The following XPO1 variants were observed in gnomAD, a reference collection of about 807,000 sequenced individuals.
XPO1 encodes exportin 1, also known as exportin-1.
XPO1 carries 5 observed loss-of-function variants against 133.3 expected under a neutral mutation model. The observed-to-expected ratio is 0.04, with a 90% CI of 0.02 to 0.08. The LOEUF (loss-of-function observed/expected upper bound fraction) is 0.08, where lower values mean the gene tolerates loss of function less well. Among genes scored for constraint, XPO1 ranks in the 10% least tolerant of loss-of-function variants. XPO1 has a pLI of 1.00. For synonymous variants in XPO1, 419 were observed against 408.2 expected, an observed-to-expected ratio of 1.03 and a Z score of -0.32; for missense variants, 506 against 1,267.5, an observed-to-expected ratio of 0.40 and a Z score of 9.12.
intron 3 of XPO1, among the ~76,000 whole-genome samples, chr2:61,524,782 G>C (rs959024647): frequency 6.6e-5 from 10 of 152,162 alleles, no homozygotes. Context: ...GCGAGGCATG[G>C]TGACACGCAC....
chr2:61,501,917 T>G (rs1697545391), intron 6 of XPO1, 79 bp downstream of exon 6: 2 of 1,241,922 alleles, frequency 1.6e-6, no homozygotes, highest in East Asian at 2.4e-5. Context: ...TAGTATACTT[T>G]ATTTCCTAAG....
At chr2:61,511,514 T>A (rs1273038400) in intron 4 of XPO1, among the ~76,000 whole-genome samples, 1 of 151,846 alleles carries the variant, frequency 6.6e-6, no homozygotes, top group African/African-American at 2.4e-5. Context: ...TGGACTCAAA[T>A]GATTCTCCCG....
chr2:61,520,648 A>G (rs939091163), intron 4 of XPO1, among the ~76,000 whole-genome samples: 3 of 152,196 alleles, frequency 2.0e-5, no homozygotes, highest in Admixed American at 6.5e-5. Flanking sequence ...CTGTCTCAAC[A>G]AAGAAGAAAG....
chr2:61,534,549 G>A (rs1241011335), intron 1 of XPO1: 2 of 152,242 alleles, frequency 1.3e-5, no homozygotes, highest in African/African-American at 4.8e-5. Context: ...CAGGCATGGA[G>A]GCGGGCACCT....
intron 2 of XPO1, 119 bp from the exon 3 acceptor site, chr2:61,526,640 G>T: frequency 4.5e-6 from 3 of 671,660 alleles, no homozygotes; most frequent in Non-Finnish European, 4.4e-6. Context: ...TATTATTGAT[G>T]TTCAGAAATA....
At chr2:61,509,845 A>G (rs1698002884) in intron 4 of XPO1, among the ~76,000 whole-genome samples, 1 of 152,232 alleles carries the variant, frequency 6.6e-6, no homozygotes, top group African/African-American at 2.4e-5. Flanking sequence ...AAATAGGAAA[A>G]AGGCAAGTTC....
Position 61,492,519 on chromosome 2 carries a change from A to C in XPO1, c.1567-38T>G. 1 of 1,594,126 alleles carries C rather than the reference A, an allele frequency of 6.3e-7. No individual in the cohort carries two copies. Among genetic ancestry groups the C allele is most frequent in the South Asian group, 1.1e-5 (1 of 87,136 alleles). On this transcript the variant is annotated intron_variant, in intron 14 of 24. Coordinates refer to ENST00000401558, the MANE Select transcript of XPO1 (RefSeq NM_003400.4). This position sits in a 1 kb window ranked among gnomAD's most constrained non-coding sequence, Gnocchi z 5.6. ...CAAATTTGTATTATTTATTGTAACA[A>C]CATAATACTTATTTAGCAATTCTAA...
intron 6 of XPO1, among the ~76,000 whole-genome samples, chr2:61,500,552 C>T (rs1022249974): frequency 8.7e-6 from 1 of 115,102 alleles, no homozygotes; most frequent in African/African-American, 3.5e-5. Context: ...GCACTCAAGG[C>T]TGGGCAACAG....
At chr2:61,485,346 T>G (rs1390789383) in intron 20 of XPO1, 1 of 156,282 alleles carries the variant, frequency 6.4e-6, no homozygotes, top group East Asian at 1.9e-4. Context: ...ACATACCATG[T>G]GAATGCTAAA....
chr2:61,491,094 A>G (rs2104415106), intron 16 of XPO1, among the ~76,000 whole-genome samples: 1 of 152,210 alleles, frequency 6.6e-6, no homozygotes, highest in South Asian at 2.1e-4. Context: ...GGTTGCAGTG[A>G]GCCGAGATTG....
chr2:61,533,398 A>T (rs768340608), intron 2 of XPO1, among the ~76,000 whole-genome samples: 1 of 152,230 alleles, frequency 6.6e-6, no homozygotes, highest in Non-Finnish European at 1.5e-5. Context: ...AATACTTGGT[A>T]TTCCTGTTTT....
At chr2:61,535,297 G>C (rs1365108155) in intron 1 of XPO1, among the ~76,000 whole-genome samples, 1 of 152,140 alleles carries the variant, frequency 6.6e-6, no homozygotes, top group Non-Finnish European at 1.5e-5. Context: ...CTCTAACCCA[G>C]TTTTTAAAAA....
chr2:61,519,521 C>CATCTCTACTAAA (rs1302597205), intron 4 of XPO1, among the ~76,000 whole-genome samples: 1 of 148,072 alleles, frequency 6.8e-6, no homozygotes, highest in East Asian at 2.0e-4. Flanking sequence ...CATAGTGAAA[C>CATCTCTACTAAA]CATCTCTACT....
At chr2:61,530,061 C>G (rs1699086456) in intron 2 of XPO1, among the ~76,000 whole-genome samples, 1 of 152,166 alleles carries the variant, frequency 6.6e-6, no homozygotes, top group Non-Finnish European at 1.5e-5. Flanking sequence ...CACATTTTAG[C>G]AGTGTTTTGG....
At chr2:61,483,474 G>A (rs921303096) in intron 21 of XPO1, 26 of 190,262 alleles carry the variant, frequency 1.4e-4, no homozygotes, top group Non-Finnish European at 2.5e-4. Context: ...CATGACAGGT[G>A]CACCAAAATC....
intron 20 of XPO1, 199 bp downstream of exon 20, chr2:61,485,569 C>A (rs1482497884): frequency 5.9e-6 from 2 of 339,552 alleles, no homozygotes; most frequent in Non-Finnish European, 1.0e-5. Flanking sequence ...GATGAAGTCT[C>A]ACTATATTGC....
chr2:61,483,785 TG>T lies in XPO1; in HGVS notation c.2677+151del. 3.6e-6 allele frequency: 3 copies of T among 832,166 alleles called. No individual in the cohort carries two copies. In the South Asian group the frequency reaches 5.3e-5, roughly 15 times the overall value. 51.5% of individuals were successfully genotyped at this position (832,166 alleles called of 1,614,324 possible). ...CTCACTTGGAGTGGAGTGGAACAGT[TG>T]ATTAAACTGCTTATAGGATTTTCTC... On this transcript the variant is annotated intron_variant, in intron 21 of 24. Coordinates refer to ENST00000401558, the MANE Select transcript of XPO1 (RefSeq NM_003400.4).
At chr2:61,523,297 A>G (rs1698775303) in intron 3 of XPO1, among the ~76,000 whole-genome samples, 1 of 152,218 alleles carries the variant, frequency 6.6e-6, no homozygotes, top group Admixed American at 6.5e-5. Context: ...GCACAGTCAA[A>G]ATAATCACAA....
At chr2:61,512,899 G>C (rs1024283077) in intron 4 of XPO1, among the ~76,000 whole-genome samples, 1 of 152,070 alleles carries the variant, frequency 6.6e-6, no homozygotes. Flanking sequence ...AAATTAGCCG[G>C]GTGTGGTGGT....
Sources: gnomAD v4.1 joint callset for allele counts (sites outside exome capture counted in the v4.1 genomes callset) on GRCh38, gnomAD v4.1.1 for gene constraint, Gnocchi (gnomAD v3.1) non-coding constraint, MANE v1.5 for transcripts, NCBI Gene and HGNC (gene_info 2026-07-23, HGNC 2026-07-21) for gene names.